The following RP1 variants were observed in gnomAD, a reference collection of about 807,000 sequenced individuals.
RP1 encodes the protein RP1 axonemal microtubule associated, also known as oxygen-regulated protein 1.
RP1 carries 16 observed loss-of-function variants against 14.8 expected under a neutral mutation model. That is an observed-to-expected ratio of 1.08 (90% CI 0.73 to 1.65). The LOEUF (loss-of-function observed/expected upper bound fraction) is 1.65. Among genes scored for constraint, RP1 ranks in the 40% most tolerant of loss-of-function variants. RP1 has a pLI of 0.00. For missense variants in RP1, 2,631 were observed against 2,535.0 expected (o/e 1.04, Z -0.81); for synonymous variants, 876 against 883.6 (o/e 0.99, Z 0.15).
chr8:54,658,014 G>A (rs999393567), intron 6 of RP1, among the ~76,000 whole-genome samples: 2 of 152,110 alleles, frequency 1.3e-5, no homozygotes, highest in African/African-American at 4.8e-5. Flanking sequence ...CAGATCTTTA[G>A]AACTTCTGCA....
intron 19 of RP1, among the ~76,000 whole-genome samples, chr8:54,742,395 A>T (rs943946113): frequency 6.6e-6 from 1 of 152,200 alleles, no homozygotes; most frequent in Non-Finnish European, 1.5e-5. Context: ...TGGTTGTATA[A>T]TAAAAGTAAT....
intron 15 of RP1, among the ~76,000 whole-genome samples, chr8:54,710,557 A>G (rs948265028): frequency 6.6e-6 from 1 of 152,220 alleles, no homozygotes; most frequent in African/African-American, 2.4e-5. Context: ...CACTTGGTGC[A>G]TCCTGAATTT....
chr8:54,582,677 A>G (rs1218359093), intron 1 of RP1, among the ~76,000 whole-genome samples: 2 of 151,936 alleles, frequency 1.3e-5, no homozygotes, highest in African/African-American at 4.8e-5. Flanking sequence ...CTTTTATTTC[A>G]TTGAGCAGTG....
chr8:54,607,020 G>A (rs1356140970), intron 1 of RP1, among the ~76,000 whole-genome samples: 3 of 151,806 alleles, frequency 2.0e-5, no homozygotes, highest in Non-Finnish European at 2.9e-5. Context: ...TAGTTTGATC[G>A]TCTGAAGTCT....
At chr8:54,655,695 CAT>C (rs1369865660) in intron 5 of RP1, among the ~76,000 whole-genome samples, 1 of 152,110 alleles carries the variant, frequency 6.6e-6, no homozygotes, top group East Asian at 1.9e-4. Context: ...CCATGTTTGA[CAT>C]AAACATTTCA....
chr8:54,845,335 A>T (rs1811891737), intron 25 of RP1, among the ~76,000 whole-genome samples: 1 of 152,192 alleles, frequency 6.6e-6, no homozygotes, highest in African/African-American at 2.4e-5. Flanking sequence ...CTAGCAGAGT[A>T]CGGTGCACAA....
chr8:54,568,970 A>C (rs972927959), intron 1 of RP1, among the ~76,000 whole-genome samples: 16 of 152,190 alleles, frequency 1.1e-4, no homozygotes, highest in Non-Finnish European at 1.3e-4. Flanking sequence ...AAAAATCCCT[A>C]TGTTCTGGGG....
intron 15 of RP1, among the ~76,000 whole-genome samples, chr8:54,709,807 A>C (rs540353213): frequency 2.8e-4 from 42 of 152,314 alleles, no homozygotes; most frequent in Non-Finnish European, 5.1e-4. Flanking sequence ...AGCTAAATGC[A>C]AAAAACACTG....
intron 24 of RP1, among the ~76,000 whole-genome samples, chr8:54,793,452 C>T (rs1449681964): frequency 1.3e-5 from 2 of 151,864 alleles, no homozygotes; most frequent in Non-Finnish European, 2.9e-5. Context: ...AAACACAATT[C>T]AATAGCACAT....
intron 22 of RP1, among the ~76,000 whole-genome samples, chr8:54,765,640 C>T (rs1489843721): frequency 1.3e-5 from 2 of 152,182 alleles, no homozygotes; most frequent in Non-Finnish European, 2.9e-5. Flanking sequence ...AGACATTCTC[C>T]AGGGATATTG....
chr8:54,822,810 C>G (rs999101268), intron 24 of RP1, among the ~76,000 whole-genome samples: 12 of 152,132 alleles, frequency 7.9e-5, no homozygotes, highest in African/African-American at 2.9e-4. Flanking sequence ...GTGAATTAGC[C>G]AAATACCTAG....
intron 15 of RP1, among the ~76,000 whole-genome samples, chr8:54,712,826 A>T (rs1028653342): frequency 5.9e-5 from 9 of 152,184 alleles, no homozygotes; most frequent in African/African-American, 2.2e-4. Flanking sequence ...ATAACAACGA[A>T]GCATATTATT....
rs932293392 is a variant in RP1, at chr8:54,686,774, A to G, written c.1717+6841A>G. Among the ~76,000 whole-genome samples the G allele has an allele frequency of 8.5e-5, 13 of 152,170 alleles. No homozygotes were observed. The East Asian group carries it at 2.5e-3, about 29-fold the overall frequency. On this transcript the variant is annotated intron_variant, in intron 12 of 22. Coordinates refer to the RP1 transcript ENST00000636932. ...TCAGGGCCAGTTTCACAAACTTTAC[A>G]TCCCTTGACATTTCAAAATATTTAC...
In RP1 at chr8:54,621,594, G is replaced by C; in HGVS notation, c.615+13G>C. On this transcript the variant is annotated intron_variant, in intron 2 of 3. Transcript: ENST00000220676. ...GGACGGAAGGAGGGTGAGCGTTCTGGGGGCTCCTCGAGCCTGAGCTCATTT... is the reference window on the plus strand; with the variant it reads ...GGACGGAAGGAGGGTGAGCGTTCTGCGGGCTCCTCGAGCCTGAGCTCATTT... 6.2e-7 allele frequency: 1 copy of C among 1,614,000 alleles called. No homozygotes were observed. Among genetic ancestry groups the C allele is most frequent in the Non-Finnish European group, 8.5e-7 (1 of 1,180,018 alleles).
intron 24 of RP1, among the ~76,000 whole-genome samples, chr8:54,807,169 G>T (rs1563382023): frequency 6.6e-6 from 1 of 152,184 alleles, no homozygotes; most frequent in Non-Finnish European, 1.5e-5. Context: ...CTTGTAAGGA[G>T]CAATGGGCAC....
intron 24 of RP1, chr8:54,837,350 A>C (rs1308206424): frequency 4.6e-6 from 2 of 432,512 alleles, no homozygotes; most frequent in Non-Finnish European, 7.6e-6. Flanking sequence ...AGTAAGGAGT[A>C]TTTATGATAA....
intron 7 of RP1, among the ~76,000 whole-genome samples, chr8:54,668,106 C>A (rs113045566): frequency 6.6e-6 from 1 of 152,088 alleles, no homozygotes; most frequent in East Asian, 1.9e-4. Context: ...ACTGGCAAAC[C>A]GAATCCAGCA....
intron 15 of RP1, among the ~76,000 whole-genome samples, chr8:54,707,039 GTCTCCTTACT>G (rs1563353809): frequency 3.9e-5 from 6 of 152,344 alleles, no homozygotes; most frequent in Non-Finnish European, 5.9e-5. Flanking sequence ...GCTCAACAGT[GTCTCCTTACT>G]GCTCCTTTTG....
At chr8:54,782,193 T>C (rs1303981731) in intron 23 of RP1, among the ~76,000 whole-genome samples, 1 of 152,214 alleles carries the variant, frequency 6.6e-6, no homozygotes, top group East Asian at 1.9e-4. Context: ...ACATGAACTG[T>C]AGTTCCTGAA....
Sources: gnomAD v4.1 joint callset for allele counts (sites outside exome capture counted in the v4.1 genomes callset) on GRCh38, gnomAD v4.1.1 for gene constraint, MANE v1.5 for transcripts, NCBI Gene and HGNC (gene_info 2026-07-23, HGNC 2026-07-21) for gene names.